CAB39: variants seen among roughly 807,000 people sequenced by gnomAD.
The protein encoded by CAB39 is calcium binding protein 39.
CAB39 carries 8 observed loss-of-function variants against 40.0 expected under a neutral mutation model. The observed-to-expected ratio is 0.20, with a 90% CI of 0.12 to 0.36. The LOEUF is 0.36. Ranked by LOEUF, CAB39 falls within the 10% of genes least tolerant of loss-of-function variation. The probability of loss-of-function intolerance (pLI) is 1.00; values close to 1 mark genes in which losing one functional copy is unlikely to be tolerated. For synonymous variants in CAB39, 156 were observed against 141.6 expected (o/e 1.10, Z -0.72); for missense variants, 270 against 401.1 (o/e 0.67, Z 2.79).
chr2:230,732,392 C>T (rs551161989), intron 1 of CAB39, among the ~76,000 whole-genome samples: 1 of 152,290 alleles, frequency 6.6e-6, no homozygotes, highest in East Asian at 1.9e-4. Flanking sequence ...GAAATTATCT[C>T]TTAACAGGAG....
At chr2:230,782,228 T>C (rs777606207) in intron 2 of CAB39, among the ~76,000 whole-genome samples, 1 of 152,214 alleles carries the variant, frequency 6.6e-6, no homozygotes, top group Non-Finnish European at 1.5e-5. Flanking sequence ...CTAAATTGCC[T>C]TCTCTTGTGA....
Position 230,818,630 on chromosome 2 carries a change from C to T in CAB39, c.952C>T (p.Gln318Ter), listed in dbSNP as rs1248483515. ...TCAGAACGACAGGACGGAGGATGAG[C>T]AGTTTAACGACGAGAAGACCTATTT... ...KFQNDRTEDEQFNDEKTYLVK... is the reference protein window; with the variant it reads ...KFQNDRTEDE Residue 318 changes from glutamine to a stop codon, truncating the protein, a stop_gained, in exon 9 of 9, where the codon CAG (glutamine) becomes TAG (stop). Coordinates refer to ENST00000258418, the MANE Select transcript of CAB39 (RefSeq NM_016289.4). LOFTEE classifies it high-confidence loss of function. 6.2e-7 allele frequency: 1 copy of T among 1,613,982 alleles called. No homozygotes were observed. Among genetic ancestry groups the T allele is most frequent in the Non-Finnish European group, 8.5e-7 (1 of 1,179,954 alleles).
rs571011548 is a variant in CAB39, at chr2:230,759,089, T to C, written c.-43-870T>C. 4.6e-5 allele frequency among the ~76,000 whole-genome samples: 7 copies of C among 152,316 alleles called. No individual in the cohort carries two copies. The East Asian group carries it at 1.4e-3, about 29-fold the overall frequency. ...ATTAAGAACTTCTAGAAGTTCATCATCCTCAGGGTTTTATCCAGCGAGTTC... is the reference window on the plus strand; with the variant it reads ...ATTAAGAACTTCTAGAAGTTCATCACCCTCAGGGTTTTATCCAGCGAGTTC... On this transcript the variant is annotated intron_variant, in intron 1 of 8. Transcript: ENST00000258418.
intron 4 of CAB39, among the ~76,000 whole-genome samples, chr2:230,795,302 G>A (rs575095102): frequency 1.4e-3 from 204 of 151,036 alleles, no homozygotes; most frequent in Non-Finnish European, 2.0e-3. Context: ...TTCCAAACAA[G>A]GCCCACAAAC....
At chr2:230,774,695 A>G (rs1195385892) in intron 2 of CAB39, among the ~76,000 whole-genome samples, 2 of 152,118 alleles carry the variant, frequency 1.3e-5, no homozygotes, top group African/African-American at 2.4e-5. Context: ...TTGCTGACAT[A>G]TTTTAAGAGG....
chr2:230,805,711 A>G (rs1047707474), intron 5 of CAB39, among the ~76,000 whole-genome samples: 1 of 152,268 alleles, frequency 6.6e-6, no homozygotes, highest in African/African-American at 2.4e-5. Context: ...TAGATGTTGT[A>G]TAATTCTACA....
At chr2:230,776,697 T>C (rs1695592814) in intron 2 of CAB39, among the ~76,000 whole-genome samples, 1 of 94,226 alleles carries the variant, frequency 1.1e-5, no homozygotes, top group African/African-American at 5.0e-5. Flanking sequence ...CCACTTTTTT[T>C]CTTCCCCCCC....
intron 7 of CAB39, among the ~76,000 whole-genome samples, 159 bp from the exon 8 acceptor site, chr2:230,817,595 G>T (rs1696424371): frequency 6.6e-6 from 1 of 152,184 alleles, no homozygotes; most frequent in African/African-American, 2.4e-5. Flanking sequence ...CAGAGAGAAG[G>T]CCCTTCGTAG....
chr2:230,813,222 T>C (rs1696335061), intron 6 of CAB39, among the ~76,000 whole-genome samples: 1 of 152,204 alleles, frequency 6.6e-6, no homozygotes, highest in African/African-American at 2.4e-5. Flanking sequence ...TTTTGAAGGA[T>C]AGCCTTGGCC....
intron 2 of CAB39, among the ~76,000 whole-genome samples, chr2:230,769,226 G>A (rs1391295888): frequency 6.6e-6 from 1 of 152,172 alleles, no homozygotes; most frequent in Non-Finnish European, 1.5e-5. Flanking sequence ...AAACATTTAT[G>A]CACTTAGTAA....
At chr2:230,751,288 T>C (rs1357068501) in intron 1 of CAB39, among the ~76,000 whole-genome samples, 2 of 152,350 alleles carry the variant, frequency 1.3e-5, no homozygotes, top group Non-Finnish European at 2.9e-5. Flanking sequence ...TAGGAATGTG[T>C]TGTCATTCAG....
At chr2:230,718,481 T>C (rs976805607) in intron 1 of CAB39, among the ~76,000 whole-genome samples, 3 of 152,204 alleles carry the variant, frequency 2.0e-5, no homozygotes, top group African/African-American at 4.8e-5. Flanking sequence ...TGTTAGCCAG[T>C]GGTTAAAAGC....
chr2:230,717,455 TCTC>T (rs969889333), intron 1 of CAB39, among the ~76,000 whole-genome samples: 37 of 152,194 alleles, frequency 2.4e-4, no homozygotes, highest in Admixed American at 7.8e-4. Context: ...TTTAAAAAAT[TCTC>T]CTGCAAGGGT....
At chr2:230,813,438 C>A (rs943184972) in intron 6 of CAB39, among the ~76,000 whole-genome samples, 2 of 152,102 alleles carry the variant, frequency 1.3e-5, no homozygotes, top group African/African-American at 4.8e-5. Flanking sequence ...TCTTTTCTCC[C>A]CTCCATTTCT....
At chr2:230,719,779 A>C (rs1694413885) in intron 1 of CAB39, among the ~76,000 whole-genome samples, 1 of 152,014 alleles carries the variant, frequency 6.6e-6, no homozygotes, top group East Asian at 1.9e-4. Context: ...AAACCCCTTA[A>C]ATTCTCTTAC....
intron 1 of CAB39, among the ~76,000 whole-genome samples, chr2:230,726,285 C>T (rs1040482481): frequency 2.6e-5 from 4 of 151,938 alleles, no homozygotes; most frequent in Non-Finnish European, 4.4e-5. Context: ...GCCTTAGCCT[C>T]CTGAGTAGCT....
intron 2 of CAB39, among the ~76,000 whole-genome samples, chr2:230,770,927 C>G (rs560039900): frequency 3.3e-5 from 5 of 152,274 alleles, no homozygotes; most frequent in African/African-American, 1.2e-4. Context: ...AATCCTACAG[C>G]TAGCATTATA....
chr2:230,722,189 T>C (rs970812190), intron 1 of CAB39, among the ~76,000 whole-genome samples: 1 of 152,216 alleles, frequency 6.6e-6, no homozygotes, highest in Admixed American at 6.5e-5. Flanking sequence ...ATTCTAATAC[T>C]TTCTATTTTA....
In CAB39 at chr2:230,791,160, G is replaced by C. The variant is rs1695886609; in HGVS notation, c.279+124G>C. Reference sequence around the variant, plus strand: ...TCTTGGCTCAGGGTTACTGACCTCTGTCAGCATGCCTGGGCTGCCTGCCTG... The same window carrying C: ...TCTTGGCTCAGGGTTACTGACCTCTCTCAGCATGCCTGGGCTGCCTGCCTG... On this transcript the variant is annotated intron_variant, in intron 3 of 8. Coordinates refer to ENST00000258418, the MANE Select transcript of CAB39 (RefSeq NM_016289.4). 8 of 719,760 alleles carry C rather than the reference G, an allele frequency of 1.1e-5. No homozygotes were observed. The South Asian group carries it at 1.9e-4, about 17-fold the overall frequency. The allele number at this position is 719,760 out of a possible 1,614,324, so 44.6% of individuals were successfully genotyped here.
Sources: gnomAD v4.1 joint callset for allele counts (sites outside exome capture counted in the v4.1 genomes callset) on GRCh38, gnomAD v4.1.1 for gene constraint, MANE v1.5 for transcripts, NCBI Gene and HGNC (gene_info 2026-07-23, HGNC 2026-07-21) for gene names.